Variants in STK32B observed in about 807,000 individuals in gnomAD.
STK32B encodes the protein serine/threonine kinase 32B.
A neutral mutation model predicts 52.6 loss-of-function variants in STK32B; 43 were observed. That is an observed-to-expected ratio of 0.82 (90% confidence interval 0.64 to 1.05). STK32B has a LOEUF of 1.05. Among genes scored for constraint, STK32B ranks in the 50% least tolerant of loss-of-function variants. STK32B has a pLI of 0.00. For missense variants in STK32B, 621 were observed against 534.6 expected (o/e 1.16, Z -1.59); for synonymous variants, 238 against 204.3 (o/e 1.17, Z -1.41).
Position 5,400,134 on chromosome 4 carries a change from T to TA in STK32B, c.472+1892dup, listed in dbSNP as rs141631990. On this transcript the variant is annotated intron_variant, in intron 5 of 11. Coordinates refer to ENST00000282908, the MANE Select transcript of STK32B (RefSeq NM_018401.3). This position sits in a 1 kb window ranked among gnomAD's most constrained non-coding sequence, Gnocchi z 6.1. ...AAAAGTGACACAGAGAGTATGGGGG[T>TA]AACCCAGGACTGCCTGGCTTCATAG... Among the ~76,000 whole-genome samples the TA allele has an allele frequency of 0.023, 3,453 of 152,190 alleles. 122 individuals are homozygous for TA. The highest frequency in any genetic ancestry group is 0.08 in the African/African-American group (3,300 of 41,500).
At chr4:5,036,186 G>C in the STK32B span, among the ~76,000 whole-genome samples, 1 of 152,158 alleles carries the variant, frequency 6.6e-6, no homozygotes. Flanking sequence ...TGTAAAGAGA[G>C]AATAATACTA....
At chr4:5,389,303 A>G (rs1736451703) in intron 4 of STK32B, among the ~76,000 whole-genome samples, 1 of 152,158 alleles carries the variant, frequency 6.6e-6, no homozygotes, top group African/African-American at 2.4e-5. Flanking sequence ...TTTGTCTGCT[A>G]AAGCTGCCAT....
intron 3 of STK32B, among the ~76,000 whole-genome samples, chr4:5,276,875 C>T (rs890260176): frequency 4.9e-4 from 75 of 152,202 alleles, no homozygotes; most frequent in African/African-American, 1.8e-3. Flanking sequence ...TGAATTGCCT[C>T]CCAGTGAGAG....
At chr4:5,056,928 C>T (rs1419724217) in intron 1 of STK32B, among the ~76,000 whole-genome samples, 1 of 152,146 alleles carries the variant, frequency 6.6e-6, no homozygotes, top group Non-Finnish European at 1.5e-5. Flanking sequence ...AACATCCATC[C>T]CCCCCAACCT....
At chr4:5,156,292 TAAATAAATATA>T (rs1717838170) in intron 2 of STK32B, among the ~76,000 whole-genome samples, 1 of 151,952 alleles carries the variant, frequency 6.6e-6, no homozygotes, top group African/African-American at 2.4e-5. Flanking sequence ...ATTATATAAA[TAAATAAATATA>T]AATGAATGAA....
chr4:5,129,251 C>T (rs1464907209), intron 1 of STK32B, among the ~76,000 whole-genome samples: 1 of 152,102 alleles, frequency 6.6e-6, no homozygotes, highest in Non-Finnish European at 1.5e-5. Flanking sequence ...ATATTTTTCC[C>T]CAGTAGCTAG....
At chr4:5,101,495 A>G (rs1320469549) in intron 1 of STK32B, among the ~76,000 whole-genome samples, 2 of 152,236 alleles carry the variant, frequency 1.3e-5, no homozygotes, top group African/African-American at 2.4e-5. Context: ...AATTAAGACC[A>G]TCATTGATAT....
At chr4:5,439,788 T>G (rs1714526563) in intron 6 of STK32B, among the ~76,000 whole-genome samples, 2 of 152,108 alleles carry the variant, frequency 1.3e-5, no homozygotes, top group South Asian at 4.2e-4. Flanking sequence ...GTATAAGGTG[T>G]AAGGAAGGGA....
chr4:5,456,759 C>A, intron 7 of STK32B, 48 bp from the exon 8 acceptor site: 2 of 1,480,438 alleles, frequency 1.4e-6, no homozygotes, highest in Non-Finnish European at 1.8e-6. Context: ...CGGACGGTGC[C>A]TTCCAATGGC....
intron 6 of STK32B, among the ~76,000 whole-genome samples, chr4:5,422,954 G>T (rs1342436282): frequency 2.0e-5 from 3 of 152,180 alleles, no homozygotes; most frequent in African/African-American, 7.2e-5. Context: ...AAAGGCATTG[G>T]GGAGTGAAGC....
At chr4:5,297,464 C>G (rs1006413440) in intron 3 of STK32B, among the ~76,000 whole-genome samples, 9 of 150,034 alleles carry the variant, frequency 6.0e-5, no homozygotes, top group Admixed American at 2.0e-4. Flanking sequence ...TTCTTGGTGG[C>G]TTTTCATTCT....
chr4:5,168,910 C>T (rs1028683766), intron 3 of STK32B, among the ~76,000 whole-genome samples: 2 of 152,196 alleles, frequency 1.3e-5, no homozygotes, highest in African/African-American at 2.4e-5. Context: ...AACCTGCCAT[C>T]ACCCATGTTT....
intron 11 of STK32B, among the ~76,000 whole-genome samples, chr4:5,494,559 C>T (rs1304931325): frequency 1.3e-5 from 2 of 152,136 alleles, no homozygotes; most frequent in Admixed American, 6.6e-5. Context: ...TTAATTGGAG[C>T]ATTTAGCCCA....
intron 4 of STK32B, among the ~76,000 whole-genome samples, chr4:5,392,159 G>C (rs1463949881): frequency 6.6e-6 from 1 of 152,232 alleles, no homozygotes; most frequent in Non-Finnish European, 1.5e-5. Flanking sequence ...ATCAGAACAA[G>C]CATGATGGCT....
chr4:5,435,611 A>G (rs1177251165), intron 6 of STK32B: 1 of 152,280 alleles, frequency 6.6e-6, no homozygotes, highest in African/African-American at 2.4e-5. Flanking sequence ...TTGGCACACA[A>G]CAAGGGCAAT....
intron 1 of STK32B, among the ~76,000 whole-genome samples, chr4:5,127,420 C>A (rs1336726276): frequency 2.0e-5 from 3 of 152,272 alleles, no homozygotes; most frequent in South Asian, 4.1e-4. Context: ...TGCCCTGATT[C>A]TTCATCGGTG....
In STK32B at chr4:5,317,524, A is replaced by G. The variant is rs549244369; in HGVS notation, c.261-13696A>G. On this transcript the variant is annotated intron_variant, in intron 3 of 11. Transcript: ENST00000282908. ...ATTATATATGTATAATATATTTATT[A>G]TATATATATTACATGTATATATATA... Among the ~76,000 whole-genome samples the G allele has an allele frequency of 1.2e-3, 127 of 108,458 alleles. 19 individuals are homozygous for G. The highest frequency in any genetic ancestry group is 5.7e-3 in the African/African-American group (119 of 20,914). 71.2% of individuals were successfully genotyped at this position (108,458 alleles called of 152,430 possible).
chr4:5,379,179 C>T (rs1265606884), intron 4 of STK32B, among the ~76,000 whole-genome samples: 1 of 152,128 alleles, frequency 6.6e-6, no homozygotes, highest in East Asian at 1.9e-4. Flanking sequence ...AGGAGACTGT[C>T]GGCGGAGCTG....
intron 6 of STK32B, among the ~76,000 whole-genome samples, chr4:5,442,491 T>C (rs1411400806): frequency 2.0e-5 from 3 of 150,696 alleles, no homozygotes; most frequent in Admixed American, 6.6e-5. Context: ...TTTGAGCCTA[T>C]GTGTGTCTCT....
Sources: gnomAD v4.1 joint callset for allele counts (sites outside exome capture counted in the v4.1 genomes callset) on GRCh38, gnomAD v4.1.1 for gene constraint, Gnocchi (gnomAD v3.1) non-coding constraint, MANE v1.5 for transcripts, NCBI Gene and HGNC (gene_info 2026-07-23, HGNC 2026-07-21) for gene names.